The following RHOBTB3 variants were observed in gnomAD, a reference collection of about 807,000 sequenced individuals.
RHOBTB3 encodes Rho related BTB domain containing 3, also known as rho-related BTB domain-containing protein 3.
A neutral mutation model predicts 67.2 loss-of-function variants in RHOBTB3; 47 were observed. The ratio of observed to expected loss-of-function variants is 0.70; its 90% confidence interval spans 0.55 to 0.89. The LOEUF is 0.89. Among genes scored for constraint, RHOBTB3 ranks in the 40% least tolerant of loss-of-function variants. RHOBTB3 has a pLI of 0.00. For synonymous variants in RHOBTB3, 273 were observed against 274.2 expected (o/e 1.00, Z 0.04); for missense variants, 631 against 750.0 (o/e 0.84, Z 1.85).
chr5:95,720,410 A>C (rs1462200965), intron 1 of RHOBTB3, among the ~76,000 whole-genome samples: 1 of 152,228 alleles, frequency 6.6e-6, no homozygotes, highest in Admixed American at 6.5e-5. Flanking sequence ...GTTAATGCAA[A>C]AGGACTGAGG....
chr5:95,721,225 T>G (rs1754862687), intron 1 of RHOBTB3, among the ~76,000 whole-genome samples: 1 of 152,204 alleles, frequency 6.6e-6, no homozygotes, highest in Non-Finnish European at 1.5e-5. Flanking sequence ...ATCTCTAACT[T>G]AGTGGAGAAG....
At chr5:95,745,758 G>A (rs938196465) in intron 3 of RHOBTB3, among the ~76,000 whole-genome samples, 32 of 151,988 alleles carry the variant, frequency 2.1e-4, no homozygotes, top group Admixed American at 3.3e-4. Flanking sequence ...TGACCATGCC[G>A]CACCACAATT....
At chr5:95,765,212 A>G (rs1323425317) in intron 7 of RHOBTB3, among the ~76,000 whole-genome samples, 9 of 152,220 alleles carry the variant, frequency 5.9e-5, no homozygotes, top group African/African-American at 7.2e-5. Flanking sequence ...ATATACATCT[A>G]TAAAATATTC....
intron 7 of RHOBTB3, among the ~76,000 whole-genome samples, chr5:95,766,022 G>A (rs143740174): frequency 2.6e-5 from 4 of 152,138 alleles, no homozygotes; most frequent in African/African-American, 4.8e-5. Context: ...TCCCATGCCC[G>A]AATTCCTTCC....
intron 10 of RHOBTB3, among the ~76,000 whole-genome samples, chr5:95,785,435 CA>C (rs113404929): frequency 6.6e-6 from 1 of 150,798 alleles, no homozygotes; most frequent in Non-Finnish European, 1.5e-5. Flanking sequence ...ACTAAAAATA[CA>C]AAAAAAAATT....
Position 95,731,597 on chromosome 5 carries a change from C to A in RHOBTB3, c.-86C>A. On this transcript the variant is annotated 5_prime_UTR_variant, in exon 1 of 12. Coordinates refer to ENST00000379982, the MANE Select transcript of RHOBTB3 (RefSeq NM_014899.4). ...GACGCGGCCGGGGATGAGCGGATTGCGGGTGAACTCGCCGCCCGGGGGCCC... is the reference window on the plus strand; with the variant it reads ...GACGCGGCCGGGGATGAGCGGATTGAGGGTGAACTCGCCGCCCGGGGGCCC... The A allele has an allele frequency of 6.3e-7, 1 of 1,586,186 alleles. No homozygotes were observed. Among genetic ancestry groups the A allele is most frequent in the Non-Finnish European group, 8.6e-7 (1 of 1,166,804 alleles).
At chr5:95,763,460 A>G (rs771004648) in intron 6 of RHOBTB3, 48 bp from the exon 7 acceptor site, 1 of 1,064,918 alleles carries the variant, frequency 9.4e-7, no homozygotes, top group Admixed American at 2.0e-5. Flanking sequence ...TACTTTTGTT[A>G]CTTCCTCATT....
chr5:95,777,727 T>G (rs186244046), intron 8 of RHOBTB3, among the ~76,000 whole-genome samples: 1 of 152,218 alleles, frequency 6.6e-6, no homozygotes, highest in Non-Finnish European at 1.5e-5. Flanking sequence ...AACAGTAGTT[T>G]AAAGAGGTGA....
rs747085073 is a variant in RHOBTB3 at position 95,717,933 on chromosome 5, C to T, written n.133+168C>T. On this transcript the variant is annotated intron_variant and non_coding_transcript_variant, in intron 1 of 5. Transcript: ENST00000504949. ...TAAACTATACATTTATGTTTTATGC[C>T]TTTTGTATATTTTGTAATTTAAAAG... is the stretch of plus-strand genomic sequence containing the variant. 3.5e-4 allele frequency among the ~76,000 whole-genome samples: 53 copies of T among 152,118 alleles called. 1 individual carries two copies. Among genetic ancestry groups the T allele is most frequent in the Admixed American group, 1.8e-3 (28 of 15,294 alleles).
chr5:95,731,322 G>A (rs1755234709), upstream of RHOBTB3: 2 of 1,078,658 alleles, frequency 1.9e-6, no homozygotes, highest in Non-Finnish European at 2.2e-6. Flanking sequence ...AGGAGGAGGA[G>A]CAGCGGCAGC....
intron 6 of RHOBTB3, 100 bp from the exon 7 acceptor site, chr5:95,763,408 T>C: frequency 1.4e-6 from 1 of 695,396 alleles, no homozygotes; most frequent in Non-Finnish European, 2.5e-6. Flanking sequence ...AAAGAAAAAT[T>C]AAAGCACTAA....
intron 3 of RHOBTB3, among the ~76,000 whole-genome samples, chr5:95,742,028 G>A (rs939451349): frequency 2.0e-5 from 3 of 152,066 alleles, no homozygotes; most frequent in Non-Finnish European, 2.9e-5. Context: ...TCAGTTTTTA[G>A]CCCCTTCCTT....
At chr5:95,723,642 A>G (rs1754962962) in intron 1 of RHOBTB3, among the ~76,000 whole-genome samples, 1 of 152,212 alleles carries the variant, frequency 6.6e-6, no homozygotes, top group Admixed American at 6.5e-5. Context: ...TTAAAACAAT[A>G]CAAATACATT....
chr5:95,736,493 T>G (rs573679548), intron 2 of RHOBTB3, among the ~76,000 whole-genome samples: 1 of 152,350 alleles, frequency 6.6e-6, no homozygotes, highest in African/African-American at 2.4e-5. Context: ...TCTAACTGGG[T>G]CAGAGGAAAA....
At chr5:95,723,284 G>A (rs755598052) in intron 1 of RHOBTB3, among the ~76,000 whole-genome samples, 1 of 152,178 alleles carries the variant, frequency 6.6e-6, no homozygotes, top group Non-Finnish European at 1.5e-5. Flanking sequence ...GGCCACATGC[G>A]GCCCTTAGGC....
Position 95,739,745 on chromosome 5 carries a change from G to A in RHOBTB3, c.415+2670G>A, listed in dbSNP as rs76134976. 5.3e-3 allele frequency among the ~76,000 whole-genome samples: 808 copies of A among 152,114 alleles called. 28 individuals are homozygous for A. In the East Asian group the frequency reaches 0.06, roughly 11 times the overall value. ...TTTTTTATAGAAACGAAATTCTGCC[G>A]TGTTGCTCAGGCTGGTCTCCATCTC... On this transcript the variant is annotated intron_variant, in intron 3 of 11. Coordinates refer to ENST00000379982, the MANE Select transcript of RHOBTB3 (RefSeq NM_014899.4).
chr5:95,727,229 T>C (rs1580385390), upstream of RHOBTB3, among the ~76,000 whole-genome samples: 1 of 152,228 alleles, frequency 6.6e-6, no homozygotes. Context: ...TTACTCTTTT[T>C]CTGCCACCTC....
At chr5:95,732,149 C>T (rs1267080473) in intron 2 of RHOBTB3, 65 bp downstream of exon 2, 2 of 1,410,156 alleles carry the variant, frequency 1.4e-6, no homozygotes, top group East Asian at 2.4e-5. Flanking sequence ...TTTTCCCCCT[C>T]CCCCTTCTGC....
In RHOBTB3 at chr5:95,793,094, C is replaced by T. The variant is rs1366429293; in HGVS notation, c.1756C>T (p.Pro586Ser). ...ERSFVEKHRW[P>S]SNMYLKQLAE... is the part of the protein sequence containing the mutation. ...CAGTTTTGTTGAAAAGCACAGATGG[C>T]CGTCGAATATGTACTTGAAGCAGCT... The change falls in exon 12 of 12, where the codon CCG (proline) becomes TCG (serine). Residue 586 changes from proline to serine, a missense_variant. Pro to Ser is a moderately conservative substitution (Grantham distance 74, BLOSUM62 -1). Transcript: ENST00000379982. 5 of 1,613,334 alleles carry T rather than the reference C, an allele frequency of 3.1e-6. No individual in the cohort carries two copies. Among genetic ancestry groups the T allele is most frequent in the Non-Finnish European group, 2.5e-6 (3 of 1,179,700 alleles).
Sources: gnomAD v4.1 joint callset for allele counts (sites outside exome capture counted in the v4.1 genomes callset) on GRCh38, gnomAD v4.1.1 for gene constraint, MANE v1.5 for transcripts, NCBI Gene and HGNC (gene_info 2026-07-23, HGNC 2026-07-21) for gene names.